CSMD1: variants seen among roughly 807,000 people sequenced by gnomAD.
The protein encoded by CSMD1 is CUB and Sushi multiple domains 1.
CSMD1 carries 213 observed loss-of-function variants against 417.5 expected under a neutral mutation model. That is an observed-to-expected ratio of 0.51 (90% CI 0.46 to 0.57). CSMD1 has a LOEUF of 0.57. Ranked by LOEUF, CSMD1 falls within the 20% of genes least tolerant of loss-of-function variation. CSMD1 has a pLI of 0.00. For synonymous variants in CSMD1, 2,862 were observed against 1,736.8 expected (o/e 1.65, Z -16.11); for missense variants, 6,923 against 4,529.7 (o/e 1.53, Z -15.17).
chr8:3,824,087 G>T (rs555178597), intron 5 of CSMD1, among the ~76,000 whole-genome samples: 2 of 152,088 alleles, frequency 1.3e-5, no homozygotes, highest in African/African-American at 2.4e-5. Context: ...AAACAAAAAT[G>T]TCACAGTGAA....
chr8:4,423,349 G>C (rs1236299006), intron 2 of CSMD1, among the ~76,000 whole-genome samples: 2 of 152,034 alleles, frequency 1.3e-5, no homozygotes, highest in African/African-American at 4.8e-5. Context: ...GCTAATACTT[G>C]ATATCATCAA....
intron 5 of CSMD1, among the ~76,000 whole-genome samples, chr8:3,987,153 T>C (rs963518340): frequency 6.6e-6 from 1 of 152,200 alleles, no homozygotes; most frequent in African/African-American, 2.4e-5. Flanking sequence ...ATCCGAGTTC[T>C]ATGGGAGAAA....
chr8:4,243,083 G>A (rs1251766036), intron 3 of CSMD1, among the ~76,000 whole-genome samples: 1 of 152,060 alleles, frequency 6.6e-6, no homozygotes, highest in Non-Finnish European at 1.5e-5. Flanking sequence ...TTCTTGCCAT[G>A]AGGTCTTAGA....
intron 1 of CSMD1, among the ~76,000 whole-genome samples, chr8:4,792,638 T>G (rs1797753583): frequency 6.6e-6 from 1 of 152,284 alleles, no homozygotes; most frequent in East Asian, 1.9e-4. Context: ...TACTGTTTTC[T>G]AATCTTTTGT....
intron 30 of CSMD1, among the ~76,000 whole-genome samples, chr8:3,209,604 C>A (rs1273165211): frequency 6.6e-6 from 1 of 152,156 alleles, no homozygotes; most frequent in African/African-American, 2.4e-5. Context: ...CAGGTGTGAG[C>A]CACTGCACTC....
At chr8:3,927,774 A>G (rs1809849128) in intron 5 of CSMD1, among the ~76,000 whole-genome samples, 1 of 152,214 alleles carries the variant, frequency 6.6e-6, no homozygotes, top group Admixed American at 6.5e-5. Context: ...GAACACTAAG[A>G]AAAATACCAA....
intron 3 of CSMD1, among the ~76,000 whole-genome samples, chr8:4,369,731 G>A (rs79455120): frequency 0.041 from 6,306 of 152,050 alleles, 190 homozygotes; most frequent in Non-Finnish European, 0.056. Flanking sequence ...TTTAAAGATC[G>A]TTTTCTCTAA....
intron 49 of CSMD1, among the ~76,000 whole-genome samples, chr8:3,078,491 G>A (rs925255687): frequency 3.9e-5 from 6 of 152,244 alleles, no homozygotes; most frequent in African/African-American, 9.6e-5. Context: ...TGATATTGAC[G>A]GCGTTGGACT....
Position 4,752,272 on chromosome 8 carries a change from T to C in CSMD1, c.86-114714A>G, listed in dbSNP as rs375283337. 1.5e-3 allele frequency among the ~76,000 whole-genome samples: 235 copies of C among 152,316 alleles called. 1 individual carries two copies. Among genetic ancestry groups the C allele is most frequent in the African/African-American group, 5.5e-3 (229 of 41,568 alleles). ...CTGTGTACTTGTCTTGACAATACAA[T>C]TTCATTTATGAGCATTTAAAATAAC... On this transcript the variant is annotated intron_variant, in intron 1 of 69. Coordinates refer to ENST00000635120, the MANE Select transcript of CSMD1 (RefSeq NM_033225.6).
chr8:3,056,314 G>C (rs1426358390), intron 49 of CSMD1, among the ~76,000 whole-genome samples: 2 of 152,192 alleles, frequency 1.3e-5, no homozygotes, highest in Admixed American at 6.5e-5. Context: ...GGATATCTAA[G>C]ATCCTTCAAA....
At chr8:4,674,038 T>C (rs1025866868) in intron 1 of CSMD1, among the ~76,000 whole-genome samples, 5 of 152,204 alleles carry the variant, frequency 3.3e-5, no homozygotes, top group Non-Finnish European at 7.4e-5. Context: ...TATATCTCAA[T>C]AAAGCTATTA....
intron 3 of CSMD1, among the ~76,000 whole-genome samples, chr8:4,172,794 C>G (rs1442167790): frequency 5.3e-5 from 8 of 152,110 alleles, no homozygotes; most frequent in Non-Finnish European, 1.5e-5. Flanking sequence ...GAAGCCTATC[C>G]CATGTCTTTA....
intron 3 of CSMD1, among the ~76,000 whole-genome samples, chr8:4,109,003 T>G (rs544187098): frequency 2.6e-5 from 4 of 152,308 alleles, no homozygotes; most frequent in African/African-American, 9.6e-5. Flanking sequence ...AAGGATTGGT[T>G]TCAGGACCTC....
intron 26 of CSMD1, among the ~76,000 whole-genome samples, chr8:3,249,490 C>G (rs763808336): frequency 6.6e-6 from 1 of 152,114 alleles, no homozygotes; most frequent in Non-Finnish European, 1.5e-5. Flanking sequence ...TCCCAAAATG[C>G]TGGGATTACA....
chr8:4,707,886 C>CAAAAAAAAAAAAAAAA (rs552510236), intron 1 of CSMD1, among the ~76,000 whole-genome samples: 7 of 100,852 alleles, frequency 6.9e-5, no homozygotes, highest in Admixed American at 1.1e-4. Context: ...GACTTTGTTT[C>CAAAAAAAAAAAAAAAA]AAAAAAAAAA....
intron 3 of CSMD1, among the ~76,000 whole-genome samples, chr8:4,168,733 C>A (rs1235958032): frequency 6.6e-6 from 1 of 152,120 alleles, no homozygotes; most frequent in East Asian, 1.9e-4. Context: ...AACTCTTAGA[C>A]CTCATTGGCT....
chr8:3,104,530 T>G (rs2129013801), intron 46 of CSMD1, among the ~76,000 whole-genome samples: 1 of 152,248 alleles, frequency 6.6e-6, no homozygotes, highest in East Asian at 1.9e-4. Context: ...AACTTCAATG[T>G]TAATATTTTT....
intron 7 of CSMD1, among the ~76,000 whole-genome samples, chr8:3,661,073 A>G (rs1329176603): frequency 3.9e-5 from 6 of 152,168 alleles, no homozygotes; most frequent in African/African-American, 1.4e-4. Context: ...GAGAAGGAGA[A>G]AACAAATGCT....
rs569194689 is a variant in CSMD1 at position 3,074,690 on chromosome 8, C to T, written c.7474+12407G>A. Among the ~76,000 whole-genome samples, 110 of 152,184 alleles carry T rather than the reference C, an allele frequency of 7.2e-4. 1 individual carries two copies. The highest frequency in any genetic ancestry group is 2.5e-3 in the African/African-American group (104 of 41,520). On this transcript the variant is annotated intron_variant, in intron 49 of 69. Coordinates refer to ENST00000635120, the MANE Select transcript of CSMD1 (RefSeq NM_033225.6). Reference sequence around the variant, plus strand: ...CTGCATTTTATCTAATAGTTAGAAACGACATAACTGGTCATTGAAATTGCA... The same window carrying T: ...CTGCATTTTATCTAATAGTTAGAAATGACATAACTGGTCATTGAAATTGCA...
Sources: gnomAD v4.1 joint callset for allele counts (sites outside exome capture counted in the v4.1 genomes callset) on GRCh38, gnomAD v4.1.1 for gene constraint, MANE v1.5 for transcripts, NCBI Gene and HGNC (gene_info 2026-07-23, HGNC 2026-07-21) for gene names.